The following MAN1A2 variants were observed in gnomAD, a reference collection of about 807,000 sequenced individuals.
The protein encoded by MAN1A2 is mannosyl-oligosaccharide 1,2-alpha-mannosidase IB.
In MAN1A2, 26 loss-of-function variants were observed where a neutral mutation model predicts 75.7. The ratio of observed to expected loss-of-function variants is 0.34; its 90% confidence interval spans 0.25 to 0.48. The LOEUF (loss-of-function observed/expected upper bound fraction) is 0.48. Ranked by LOEUF, MAN1A2 falls within the 20% of genes least tolerant of loss-of-function variation. The pLI is 0.99. For synonymous variants in MAN1A2, 247 were observed against 264.6 expected (o/e 0.93, Z 0.65); for missense variants, 562 against 775.5 (o/e 0.72, Z 3.27).
chr1:117,428,315 A>T (rs892225971), intron 5 of MAN1A2, among the ~76,000 whole-genome samples: 4 of 151,814 alleles, frequency 2.6e-5, no homozygotes, highest in African/African-American at 9.7e-5. Flanking sequence ...GGGTCTCTCC[A>T]TGTTGCCCAG....
At chr1:117,397,844 G>C (rs576608564) in intron 1 of MAN1A2, among the ~76,000 whole-genome samples, 1 of 151,830 alleles carries the variant, frequency 6.6e-6, no homozygotes, top group Admixed American at 6.5e-5. Flanking sequence ...TAGAGACGGG[G>C]TTTCACCATG....
intron 7 of MAN1A2, among the ~76,000 whole-genome samples, chr1:117,461,625 A>G (rs529885001): frequency 6.6e-6 from 1 of 152,196 alleles, no homozygotes; most frequent in African/African-American, 2.4e-5. Flanking sequence ...TTTTATCATT[A>G]TACATTATAT....
intron 8 of MAN1A2, among the ~76,000 whole-genome samples, chr1:117,475,351 T>C (rs1032360077): frequency 6.6e-6 from 1 of 152,040 alleles, no homozygotes; most frequent in Non-Finnish European, 1.5e-5. Flanking sequence ...GCCATTTTAT[T>C]ACATTGTATT....
intron 5 of MAN1A2, among the ~76,000 whole-genome samples, chr1:117,422,095 GTATA>G (rs1316435836): frequency 6.6e-6 from 1 of 152,102 alleles, no homozygotes; most frequent in Admixed American, 6.5e-5. Flanking sequence ...GTAAAATTCA[GTATA>G]TAGTTTTATG....
intron 8 of MAN1A2, among the ~76,000 whole-genome samples, chr1:117,481,442 T>C (rs1650494628): frequency 6.6e-6 from 1 of 152,010 alleles, no homozygotes. Context: ...TACTGTCCTA[T>C]AGACTAGTCC....
chr1:117,445,745 C>G (rs1413114242), intron 6 of MAN1A2, among the ~76,000 whole-genome samples: 1 of 150,844 alleles, frequency 6.6e-6, no homozygotes, highest in Non-Finnish European at 1.5e-5. Flanking sequence ...TAGTCTGGTC[C>G]CAAACTCCCG....
intron 12 of MAN1A2, among the ~76,000 whole-genome samples, chr1:117,519,197 G>A (rs1163471253): frequency 6.6e-6 from 1 of 152,042 alleles, no homozygotes; most frequent in African/African-American, 2.4e-5. Context: ...AGTGCTAAGA[G>A]GAAAGTTCAC....
chr1:117,394,230 C>T (rs886482788), intron 1 of MAN1A2, among the ~76,000 whole-genome samples: 5 of 151,962 alleles, frequency 3.3e-5, no homozygotes, highest in East Asian at 3.9e-4. Context: ...TACAGGCACC[C>T]GCCACCATGC....
chr1:117,382,725 A>C (rs1318252152), intron 1 of MAN1A2, among the ~76,000 whole-genome samples: 4 of 152,088 alleles, frequency 2.6e-5, no homozygotes, highest in African/African-American at 4.8e-5. Context: ...GAAGAAAGTC[A>C]TTGGTAGCTT....
At chr1:117,470,518 T>TA (rs1360176911) in intron 8 of MAN1A2, among the ~76,000 whole-genome samples, 10 of 152,198 alleles carry the variant, frequency 6.6e-5, no homozygotes, top group African/African-American at 2.4e-4. Context: ...ACAAAAAAGA[T>TA]AACTTTTATT....
At chr1:117,382,630 TG>T (rs1412095909) in intron 1 of MAN1A2, among the ~76,000 whole-genome samples, 1 of 152,202 alleles carries the variant, frequency 6.6e-6, no homozygotes, top group Non-Finnish European at 1.5e-5. Context: ...CCGCCAGCTT[TG>T]TTCTTTTGGC....
At chr1:117,489,729 A>C (rs1650822080) in intron 8 of MAN1A2, among the ~76,000 whole-genome samples, 1 of 152,024 alleles carries the variant, frequency 6.6e-6, no homozygotes, top group South Asian at 2.1e-4. Context: ...TTTGTTCTGG[A>C]AACTTATTCT....
chr1:117,385,871 C>G (rs1008778528), intron 1 of MAN1A2, among the ~76,000 whole-genome samples: 3 of 152,212 alleles, frequency 2.0e-5, no homozygotes, highest in African/African-American at 7.2e-5. Context: ...GCCAGATACA[C>G]AGAACCACTG....
chr1:117,435,931 G>A (rs1378876354), intron 5 of MAN1A2, among the ~76,000 whole-genome samples: 1 of 152,080 alleles, frequency 6.6e-6, no homozygotes, highest in Admixed American at 6.5e-5. Flanking sequence ...GGTGGCAGAT[G>A]CCTGTAATCC....
rs1181000645 is a variant in MAN1A2 at position 117,402,426 on chromosome 1, G to A, written c.543G>A (p.Arg181=). Reference sequence around the variant, plus strand: ...AAGATAATGACATAAGAGAGAAAAGGGAAAAAATTAAAGAGGTAATAAGCT... The same window carrying A: ...AAGATAATGACATAAGAGAGAAAAGAGAAAAAATTAAAGAGGTAATAAGCT... ...DPEDNDIREK[R]EKIKEMMKHA... The change falls in exon 2 of 13, where the codon AGG becomes AGA. Residue 181 remains arginine, a synonymous_variant. Coordinates refer to ENST00000356554, the MANE Select transcript of MAN1A2 (RefSeq NM_006699.5). 4 of 1,591,368 alleles carry A rather than the reference G, an allele frequency of 2.5e-6. No homozygotes were observed. Among genetic ancestry groups the A allele is most frequent in the Admixed American group, 1.9e-5 (1 of 53,978 alleles).
At chr1:117,419,157 C>A (rs916782833) in intron 4 of MAN1A2, among the ~76,000 whole-genome samples, 1 of 81,168 alleles carries the variant, frequency 1.2e-5, no homozygotes, top group Admixed American at 1.1e-4. Context: ...CATGTTGGAT[C>A]TTATTGGTCA....
intron 5 of MAN1A2, among the ~76,000 whole-genome samples, chr1:117,422,855 G>A (rs1192543649): frequency 6.6e-6 from 1 of 151,962 alleles, no homozygotes; most frequent in Non-Finnish European, 1.5e-5. Context: ...TTCTCTATCT[G>A]TGGCTTGTCT....
At chr1:117,412,376 T>A (rs1352640039) in intron 3 of MAN1A2, among the ~76,000 whole-genome samples, 1 of 151,730 alleles carries the variant, frequency 6.6e-6, no homozygotes, top group Non-Finnish European at 1.5e-5. Flanking sequence ...GTTTTTGTCT[T>A]GTCTACCTTT....
At chr1:117,400,240 G>A (rs12131109) in intron 1 of MAN1A2, among the ~76,000 whole-genome samples, 17,056 of 151,576 alleles carry the variant, frequency 0.11, 1,058 homozygotes, top group Non-Finnish European at 0.14. Context: ...GACCTTTTGT[G>A]TTACTGACCG....
Sources: allele counts gnomAD v4.1 joint callset (sites outside exome capture counted in the v4.1 genomes callset), GRCh38; gene constraint gnomAD v4.1.1; transcripts MANE v1.5; gene names NCBI Gene and HGNC (gene_info 2026-07-23, HGNC 2026-07-21).